WDFY4: variants seen among roughly 807,000 people sequenced by gnomAD.
WDFY4 encodes the protein WDFY family member 4, also known as WD repeat- and FYVE domain-containing protein 4.
Under a neutral mutation model 351.9 loss-of-function variants are expected in WDFY4, and 169 were observed. The observed-to-expected ratio is 0.48, with a 90% CI of 0.42 to 0.55. The LOEUF is 0.55. Ranked by LOEUF, WDFY4 falls within the 20% of genes least tolerant of loss-of-function variation. WDFY4 has a pLI of 0.00. For missense variants in WDFY4, 3,803 were observed against 3,935.6 expected, an observed-to-expected ratio of 0.97 and a Z score of 0.90; for synonymous variants, 1,622 against 1,574.6, an observed-to-expected ratio of 1.03 and a Z score of -0.71.
intron 55 of WDFY4, chr10:48,967,094 G>A (rs1842118982): frequency 6.2e-6 from 1 of 160,244 alleles, no homozygotes; most frequent in Admixed American, 6.3e-5. Flanking sequence ...TTTGGCCACT[G>A]GTCCTCCTAA....
At chr10:48,797,744 A>T (rs1275659517) in intron 24 of WDFY4, among the ~76,000 whole-genome samples, 1 of 152,168 alleles carries the variant, frequency 6.6e-6, no homozygotes, top group Admixed American at 6.5e-5. Flanking sequence ...TTTTGTGCTG[A>T]TATTTCTCTC....
intron 9 of WDFY4, among the ~76,000 whole-genome samples, chr10:48,732,701 G>A (rs1474229273): frequency 3.3e-5 from 5 of 152,340 alleles, no homozygotes; most frequent in South Asian, 2.1e-4. Flanking sequence ...AGATTTTAAC[G>A]AGGGAATCTC....
rs528946335 is a variant in WDFY4, at chr10:48,892,619, G to T, written c.7316+1892G>T. ...TATTAGATCATTCCAGATCAATGGG[G>T]ATTAAGTCTTATTTTGACCATGGAG... On this transcript the variant is annotated intron_variant, in intron 44 of 61. Transcript: ENST00000325239. Among the ~76,000 whole-genome samples, 5 of 152,288 alleles carry T rather than the reference G, an allele frequency of 3.3e-5. No homozygotes were observed. The Middle Eastern group carries it at 0.01, about 311-fold the overall frequency.
At chr10:48,761,095 C>T (rs535074083) in intron 13 of WDFY4, among the ~76,000 whole-genome samples, 25 of 152,078 alleles carry the variant, frequency 1.6e-4, no homozygotes, top group Admixed American at 3.3e-4. Flanking sequence ...TCAGGGAAGC[C>T]GTCTCTAGAT....
At chr10:48,939,237 G>T (rs1490481624) in intron 47 of WDFY4, among the ~76,000 whole-genome samples, 2 of 152,240 alleles carry the variant, frequency 1.3e-5, no homozygotes, top group African/African-American at 4.8e-5. Flanking sequence ...GAGTAGAAAA[G>T]AATCTCCCCT....
intron 13 of WDFY4, among the ~76,000 whole-genome samples, chr10:48,762,659 G>A (rs2065544993): frequency 1.3e-5 from 2 of 152,238 alleles, no homozygotes; most frequent in Non-Finnish European, 2.9e-5. Flanking sequence ...AGCTGGCTTA[G>A]CTGAGTGGCA....
intron 1 of WDFY4, among the ~76,000 whole-genome samples, chr10:48,686,342 GA>G (rs2063049277): frequency 7.0e-6 from 1 of 142,464 alleles, no homozygotes; most frequent in Admixed American, 6.9e-5. Flanking sequence ...AAGAAGGAAA[GA>G]AAAGAAAATT....
intron 27 of WDFY4, among the ~76,000 whole-genome samples, chr10:48,807,456 A>C (rs1467993077): frequency 1.3e-5 from 2 of 152,218 alleles, no homozygotes; most frequent in Admixed American, 6.5e-5. Flanking sequence ...AGCAAGTTGA[A>C]AGCAGGAACA....
chr10:48,695,667 G>A (rs760458162), intron 1 of WDFY4, among the ~76,000 whole-genome samples: 1 of 152,042 alleles, frequency 6.6e-6, no homozygotes, highest in African/African-American at 2.4e-5. Context: ...AGTGGAGACC[G>A]AGCCCTGATC....
At chr10:48,718,098 A>C (rs1260191048) in intron 2 of WDFY4, among the ~76,000 whole-genome samples, 1 of 152,328 alleles carries the variant, frequency 6.6e-6, no homozygotes, top group African/African-American at 2.4e-5. Context: ...AAAACATATA[A>C]AATATTGAGG....
chr10:48,812,839 C>G (rs1226960717), intron 30 of WDFY4, among the ~76,000 whole-genome samples: 1 of 152,184 alleles, frequency 6.6e-6, no homozygotes, highest in Non-Finnish European at 1.5e-5. Flanking sequence ...TGTGAGTCTC[C>G]TAAATCATCT....
chr10:48,729,390 C>A, intron 7 of WDFY4, 42 bp from the exon 8 acceptor site: 5 of 1,546,476 alleles, frequency 3.2e-6, no homozygotes, highest in Non-Finnish European at 4.4e-6. Context: ...GTGGCTGCTC[C>A]ATCTAGGAAG....
chr10:48,734,556 A>G (rs181692912), intron 10 of WDFY4, among the ~76,000 whole-genome samples: 27 of 151,784 alleles, frequency 1.8e-4, no homozygotes, highest in Admixed American at 7.9e-4. Context: ...TGACATAGAC[A>G]CACCAACATC....
At chr10:48,718,256 A>G (rs2063970225) in intron 2 of WDFY4, among the ~76,000 whole-genome samples, 1 of 152,114 alleles carries the variant, frequency 6.6e-6, no homozygotes, top group South Asian at 2.1e-4. Context: ...CTGGATACTA[A>G]TCCTCTGTCA....
intron 31 of WDFY4, among the ~76,000 whole-genome samples, chr10:48,815,874 T>C (rs1337977420): frequency 6.6e-6 from 1 of 152,210 alleles, no homozygotes; most frequent in African/African-American, 2.4e-5. Context: ...CTATAAATGA[T>C]ATTAGTCTGC....
chr10:48,740,543 C>T (rs1315546455), intron 11 of WDFY4, among the ~76,000 whole-genome samples: 1 of 152,204 alleles, frequency 6.6e-6, no homozygotes, highest in African/African-American at 2.4e-5. Context: ...TTCACTTATG[C>T]ACACTGAGTA....
intron 20 of WDFY4, 69 bp from the exon 21 acceptor site, chr10:48,788,461 A>G (rs1036794800): frequency 1.3e-6 from 2 of 1,493,234 alleles, no homozygotes; most frequent in Admixed American, 2.2e-5. Context: ...AGAGATATTA[A>G]ATTGTATGAG....
At chr10:48,867,664 C>G (rs2069598865) in intron 40 of WDFY4, among the ~76,000 whole-genome samples, 1 of 152,156 alleles carries the variant, frequency 6.6e-6, no homozygotes. Context: ...CATCTCTAAG[C>G]TGGAATAAGT....
At chr10:48,735,789 A>C in intron 10 of WDFY4, 91 bp from the exon 11 acceptor site, 2 of 1,313,010 alleles carry the variant, frequency 1.5e-6, no homozygotes, top group Non-Finnish European at 2.0e-6. Flanking sequence ...ATGAAGTTTG[A>C]AAATTATAAG....
Sources: gnomAD v4.1 joint callset for allele counts (sites outside exome capture counted in the v4.1 genomes callset) on GRCh38, gnomAD v4.1.1 for gene constraint, MANE v1.5 for transcripts, NCBI Gene and HGNC (gene_info 2026-07-23, HGNC 2026-07-21) for gene names.